PARD3B: variants seen among roughly 807,000 people sequenced by gnomAD.
PARD3B encodes the protein partitioning defective 3 homolog B.
Under a neutral mutation model 130.2 loss-of-function variants are expected in PARD3B, and 103 were observed. The ratio of observed to expected loss-of-function variants is 0.79; its 90% CI spans 0.67 to 0.93. PARD3B has a LOEUF of 0.93. Ranked by LOEUF, PARD3B falls within the 40% of genes least tolerant of loss-of-function variation. The pLI is 0.00. For synonymous variants in PARD3B, 583 were observed against 553.2 expected (o/e 1.05, Z -0.76); for missense variants, 1,609 against 1,499.2 (o/e 1.07, Z -1.21).
chr2:205,056,382 A>G (rs1026353279), intron 4 of PARD3B, among the ~76,000 whole-genome samples: 1 of 152,024 alleles, frequency 6.6e-6, no homozygotes, highest in African/African-American at 2.4e-5. Context: ...TCCCATTTAG[A>G]TGAATCACAT....
Position 205,348,535 on chromosome 2 carries a change from C to T in PARD3B, c.2630+46834C>T, listed in dbSNP as rs1013486851. On this transcript the variant is annotated intron_variant, in intron 18 of 22. Coordinates refer to ENST00000406610, the MANE Select transcript of PARD3B (RefSeq NM_001302769.2). Reference sequence around the variant, plus strand: ...GAAAGAGAATCACTGAACATTGACCCTAACTAAATATGAAAAGGAAATGGC... The same window carrying T: ...GAAAGAGAATCACTGAACATTGACCTTAACTAAATATGAAAAGGAAATGGC... Among the ~76,000 whole-genome samples the T allele has an allele frequency of 2.0e-5, 3 of 152,104 alleles. No individual in the cohort carries two copies. The South Asian group carries it at 6.2e-4, about 32-fold the overall frequency.
intron 18 of PARD3B, among the ~76,000 whole-genome samples, chr2:205,365,642 C>T (rs2044580949): frequency 6.8e-6 from 1 of 146,442 alleles, no homozygotes; most frequent in Non-Finnish European, 1.5e-5. Context: ...AGTTTGCTTC[C>T]ATTAAATGTA....
chr2:205,474,787 C>A (rs1397783727), intron 20 of PARD3B, among the ~76,000 whole-genome samples: 1 of 152,154 alleles, frequency 6.6e-6, no homozygotes, highest in Non-Finnish European at 1.5e-5. Context: ...CACCCCATTC[C>A]TGACAACTTT....
intron 4 of PARD3B, among the ~76,000 whole-genome samples, chr2:205,084,186 T>C (rs1417900214): frequency 6.6e-6 from 1 of 152,162 alleles, no homozygotes. Context: ...TGCATTCTTA[T>C]TGTATAATTG....
At chr2:205,278,809 C>G (rs1212450628) in intron 16 of PARD3B, among the ~76,000 whole-genome samples, 2 of 152,052 alleles carry the variant, frequency 1.3e-5, no homozygotes, top group African/African-American at 2.4e-5. Flanking sequence ...GTGGCTCACA[C>G]GTGTAATCCC....
Position 204,689,228 on chromosome 2 carries a change from A to T in PARD3B, c.222+2946A>T, listed in dbSNP as rs150295580. 2.0e-4 allele frequency among the ~76,000 whole-genome samples: 30 copies of T among 152,296 alleles called. No individual in the cohort carries two copies. Among genetic ancestry groups the T allele is most frequent in the African/African-American group, 6.7e-4 (28 of 41,566 alleles). ...GTGGTTTGTCTGTGGTCTTACTTCT[A>T]TTATTCCTTTGGCCAACATAGTGCT... On this transcript the variant is annotated intron_variant, in intron 2 of 22. Coordinates refer to ENST00000406610, the MANE Select transcript of PARD3B (RefSeq NM_001302769.2). The surrounding 1 kb of genome is among the most constrained non-coding windows in gnomAD (Gnocchi z 5.2).
intron 2 of PARD3B, among the ~76,000 whole-genome samples, chr2:204,838,349 ATGTGTGTGTGTGTGTGTGTG>A (rs55688873): frequency 1.5e-5 from 2 of 135,338 alleles, no homozygotes; most frequent in Non-Finnish European, 3.2e-5. Flanking sequence ...TACCTGGCTA[ATGTGTGTGTGTGTGTGTGTG>A]TGTGTGTGTG....
chr2:204,614,652 A>C lies in PARD3B; in HGVS notation c.120+68533A>C, dbSNP rs553595299. Among the ~76,000 whole-genome samples, 15 of 152,244 alleles carry C rather than the reference A, an allele frequency of 9.9e-5. No homozygotes were observed. In the South Asian group the frequency reaches 3.1e-3, roughly 32 times the overall value. The stretch of plus-strand genomic sequence containing the variant: ...TTGGAGGTGGGGCCTGTTGGGGGAT[A>C]TTTAAATCATGGGGGCAGTTTCTCA... On this transcript the variant is annotated intron_variant, in intron 1 of 22. Transcript: ENST00000406610.
intron 2 of PARD3B, among the ~76,000 whole-genome samples, chr2:204,959,191 A>G (rs1690535204): frequency 6.6e-6 from 1 of 151,984 alleles, no homozygotes; most frequent in Non-Finnish European, 1.5e-5. Flanking sequence ...ATGTGTTCCC[A>G]TTATTCAGCT....
intron 18 of PARD3B, among the ~76,000 whole-genome samples, chr2:205,361,765 G>A (rs2044397393): frequency 6.6e-6 from 1 of 152,110 alleles, no homozygotes; most frequent in Non-Finnish European, 1.5e-5. Flanking sequence ...CATAGGATCA[G>A]TTTTACACTT....
chr2:204,977,637 G>A (rs994697009), intron 3 of PARD3B, among the ~76,000 whole-genome samples: 15 of 151,750 alleles, frequency 9.9e-5, no homozygotes, highest in South Asian at 2.1e-4. Flanking sequence ...GTGAAACCCC[G>A]TCTCCGCTAA....
chr2:204,970,239 C>G (rs1295739220), intron 3 of PARD3B, among the ~76,000 whole-genome samples: 1 of 152,122 alleles, frequency 6.6e-6, no homozygotes, highest in Non-Finnish European at 1.5e-5. Context: ...CAATCTTTGT[C>G]CCTTGAGAGT....
rs182562812 is a variant in PARD3B, at chr2:204,669,244, A to G, written c.121-16937A>G. On this transcript the variant is annotated intron_variant, in intron 1 of 22. Coordinates refer to ENST00000406610, the MANE Select transcript of PARD3B (RefSeq NM_001302769.2). This position sits in a 1 kb window ranked among gnomAD's most constrained non-coding sequence, Gnocchi z 4.3. ...TGTTGCTTCTTACATTCTAGATACCAGGCATTTATAATTTTTCCTAGAAGA... is the reference window on the plus strand; with the variant it reads ...TGTTGCTTCTTACATTCTAGATACCGGGCATTTATAATTTTTCCTAGAAGA... Among the ~76,000 whole-genome samples the G allele has an allele frequency of 2.6e-5, 4 of 152,310 alleles. No homozygotes were observed. The highest frequency in any genetic ancestry group is 2.6e-4 in the Admixed American group (4 of 15,286).
At chr2:205,549,903 A>G (rs1389465824) in intron 21 of PARD3B, among the ~76,000 whole-genome samples, 1 of 152,178 alleles carries the variant, frequency 6.6e-6, no homozygotes, top group Non-Finnish European at 1.5e-5. Context: ...GGAAATCTGT[A>G]TGCCGCCTAA....
chr2:204,815,875 C>G (rs949391593), intron 2 of PARD3B, among the ~76,000 whole-genome samples: 4 of 151,980 alleles, frequency 2.6e-5, no homozygotes, highest in African/African-American at 9.7e-5. Flanking sequence ...AGGGAACATG[C>G]TTGTGTGACA....
chr2:204,790,657 A>G (rs1296251922), intron 2 of PARD3B, among the ~76,000 whole-genome samples: 2 of 152,186 alleles, frequency 1.3e-5, no homozygotes. Context: ...CATCCTCTGA[A>G]ATAGCCAATT....
intron 20 of PARD3B, among the ~76,000 whole-genome samples, chr2:205,452,171 T>A (rs1336147876): frequency 6.6e-6 from 1 of 152,214 alleles, no homozygotes; most frequent in Non-Finnish European, 1.5e-5. Flanking sequence ...ATAGTTGATA[T>A]CTCTTTGTCA....
At chr2:205,453,152 A>T (rs1054421406) in intron 20 of PARD3B, among the ~76,000 whole-genome samples, 1 of 152,176 alleles carries the variant, frequency 6.6e-6, no homozygotes, top group Non-Finnish European at 1.5e-5. Flanking sequence ...GAATAATAAC[A>T]GTGTTATGCT....
chr2:204,853,648 CAAAG>C (rs2044800203), intron 2 of PARD3B, among the ~76,000 whole-genome samples: 1 of 146,022 alleles, frequency 6.8e-6, no homozygotes, highest in Admixed American at 6.7e-5. Context: ...ACTTTAGAAA[CAAAG>C]AAAAAGAAAC....
Sources: gnomAD v4.1 joint callset for allele counts (sites outside exome capture counted in the v4.1 genomes callset) on GRCh38, gnomAD v4.1.1 for gene constraint, Gnocchi (gnomAD v3.1) non-coding constraint, MANE v1.5 for transcripts, NCBI Gene and HGNC (gene_info 2026-07-23, HGNC 2026-07-21) for gene names.